The following ORC5 variants were observed in gnomAD, a reference collection of about 807,000 sequenced individuals.
The protein encoded by ORC5 is protein phosphatase 1, regulatory subunit 117.
In ORC5, 39 loss-of-function variants were observed where a neutral mutation model predicts 58.8. The ratio of observed to expected loss-of-function variants is 0.66; its 90% confidence interval spans 0.51 to 0.87. The LOEUF is 0.87. ORC5 is among the 40% of genes least tolerant of loss of function. The pLI, the probability that ORC5 is intolerant of heterozygous loss-of-function variation, is 0.00. For missense variants in ORC5, 493 were observed against 506.3 expected, an observed-to-expected ratio of 0.97 and a Z score of 0.25; for synonymous variants, 218 against 177.6, an observed-to-expected ratio of 1.23 and a Z score of -1.81.
At chr7:104,198,073 C>T (rs1378250931) in intron 3 of ORC5, among the ~76,000 whole-genome samples, 1 of 152,220 alleles carries the variant, frequency 6.6e-6, no homozygotes, top group Non-Finnish European at 1.5e-5. Context: ...CTCATCCTCT[C>T]TTGTACTTCT....
chr7:104,198,820 C>T (rs1489133950), intron 3 of ORC5, among the ~76,000 whole-genome samples: 1 of 152,236 alleles, frequency 6.6e-6, no homozygotes, highest in Admixed American at 6.5e-5. Context: ...CATCCCATTA[C>T]AGGCCCAGAG....
chr7:104,199,082 G>A (rs1220931271), intron 3 of ORC5, among the ~76,000 whole-genome samples: 1 of 152,198 alleles, frequency 6.6e-6, no homozygotes, highest in Non-Finnish European at 1.5e-5. Context: ...GGATGTCCAG[G>A]CAGAAGTTGG....
Position 104,188,377 on chromosome 7 carries a change from G to A in ORC5, c.558C>T (p.Asn186=), listed in dbSNP as rs764558899. The A allele has an allele frequency of 1.1e-5, 17 of 1,606,490 alleles. No individual in the cohort carries two copies. In the East Asian group the frequency reaches 3.6e-4, roughly 34 times the overall value. ...GATCATGGGACAGGATCTTTTGAAGGTTGCCTGTTCACAGGACACAAAATA... is the reference window on the plus strand; with the variant it reads ...GATCATGGGACAGGATCTTTTGAAGATTGCCTGTTCACAGGACACAAAATA... ...VLYFPDYSIG[N]LQKILSHDHP... is the part of the protein sequence containing the mutation. The change falls in exon 6 of 14, where the codon AAC becomes AAT. Residue 186 remains asparagine (N), a synonymous_variant. Coordinates refer to ENST00000297431, the MANE Select transcript of ORC5 (RefSeq NM_002553.4).
chr7:104,153,572 C>T (rs913216823), intron 12 of ORC5, among the ~76,000 whole-genome samples: 1 of 152,094 alleles, frequency 6.6e-6, no homozygotes. Context: ...CATAACTTAC[C>T]TTAATAGCAT....
chr7:104,156,088 G>A (rs1286859875), intron 12 of ORC5, among the ~76,000 whole-genome samples: 2 of 151,526 alleles, frequency 1.3e-5, no homozygotes, highest in Non-Finnish European at 3.0e-5. Flanking sequence ...AAGGAAAGGA[G>A]AAAAGAATGA....
chr7:104,179,102 A>G (rs1177536341), intron 8 of ORC5, among the ~76,000 whole-genome samples: 1 of 140,350 alleles, frequency 7.1e-6, no homozygotes, highest in African/African-American at 2.7e-5. Context: ...GTTAAAAAGA[A>G]AAGTGAATTT....
At chr7:104,135,955 T>C (rs537280689) in intron 13 of ORC5, among the ~76,000 whole-genome samples, 1 of 152,326 alleles carries the variant, frequency 6.6e-6, no homozygotes, top group African/African-American at 2.4e-5. Flanking sequence ...CCTGACAGAT[T>C]GTTATCCAGC....
At chr7:104,191,941 A>G (rs1799685798) in intron 5 of ORC5, among the ~76,000 whole-genome samples, 1 of 152,170 alleles carries the variant, frequency 6.6e-6, no homozygotes, top group African/African-American at 2.4e-5. Context: ...CTAATAATCA[A>G]TTAAAAACTG....
At chr7:104,145,208 A>G (rs1372174438) in intron 12 of ORC5, among the ~76,000 whole-genome samples, 1 of 152,198 alleles carries the variant, frequency 6.6e-6, no homozygotes, top group African/African-American at 2.4e-5. Flanking sequence ...CACAGAAAAG[A>G]GTTAACATAG....
chr7:104,144,554 G>A (rs1380076615), intron 12 of ORC5, among the ~76,000 whole-genome samples: 14 of 152,122 alleles, frequency 9.2e-5, no homozygotes, highest in Admixed American at 5.2e-4. Context: ...TCAGGAGTTC[G>A]AGACAGGCCT....
At chr7:104,199,105 G>A (rs146381925) in intron 3 of ORC5, among the ~76,000 whole-genome samples, 2 of 152,166 alleles carry the variant, frequency 1.3e-5, no homozygotes, top group Non-Finnish European at 2.9e-5. Context: ...GTAGGTGCAG[G>A]GCCCTCATGG....
intron 3 of ORC5, among the ~76,000 whole-genome samples, chr7:104,200,093 G>GT (rs78928402): frequency 0.15 from 22,316 of 152,176 alleles, 1,863 homozygotes; most frequent in South Asian, 0.22. Context: ...ACGCTGAACT[G>GT]TAAGTCAATT....
intron 8 of ORC5, among the ~76,000 whole-genome samples, chr7:104,171,484 A>T (rs1799209928): frequency 6.6e-6 from 1 of 152,172 alleles, no homozygotes; most frequent in African/African-American, 2.4e-5. Flanking sequence ...TATGAAAAGG[A>T]GGGATTAGCT....
At chr7:104,134,416 CAAAAAAAAAAAAAAA>C (rs1170848776) in intron 13 of ORC5, among the ~76,000 whole-genome samples, 2 of 51,804 alleles carry the variant, frequency 3.9e-5, no homozygotes, top group Admixed American at 5.4e-4. Flanking sequence ...CACTCCATCT[CAAAAAAAAAAAAAAA>C]AAAAAAAAAA....
At chr7:104,177,473 T>C (rs990134905) in intron 8 of ORC5, among the ~76,000 whole-genome samples, 1 of 152,202 alleles carries the variant, frequency 6.6e-6, no homozygotes, top group Admixed American at 6.5e-5. Flanking sequence ...AAATTGAGGT[T>C]ACTAAAAGTA....
rs74735098 is a variant in ORC5 at position 104,186,870 on chromosome 7, A to C, written c.684+1381T>G. Among the ~76,000 whole-genome samples the C allele has an allele frequency of 2.6e-3, 392 of 152,308 alleles. 17 individuals carry two copies. The East Asian group carries it at 0.069, about 27-fold the overall frequency. ...CTTAAACCATACTACACATTTATGA[A>C]TATTATTTTTTAAAAAGCTGTAACC... On this transcript the variant is annotated intron_variant, in intron 6 of 13. Transcript: ENST00000297431.
At chr7:104,140,497 TAC>T (rs1293743056) in intron 12 of ORC5, among the ~76,000 whole-genome samples, 1 of 152,228 alleles carries the variant, frequency 6.6e-6, no homozygotes, top group Non-Finnish European at 1.5e-5. Context: ...ATTTCCAACT[TAC>T]AGAGTTTTTC....
At chr7:104,194,426 C>A (rs1286704986) in intron 5 of ORC5, among the ~76,000 whole-genome samples, 2 of 151,764 alleles carry the variant, frequency 1.3e-5, no homozygotes, top group African/African-American at 4.8e-5. Context: ...TCTCTGAATC[C>A]CAAGTATCAT....
intron 12 of ORC5, 111 bp from the exon 13 acceptor site, chr7:104,137,004 T>C (rs577557091): frequency 1.4e-6 from 1 of 710,802 alleles, no homozygotes; most frequent in South Asian, 1.9e-5. Flanking sequence ...ACAAAAAACG[T>C]CTGCAAAGAA....
Sources: gnomAD v4.1 joint callset for allele counts (sites outside exome capture counted in the v4.1 genomes callset) on GRCh38, gnomAD v4.1.1 for gene constraint, MANE v1.5 for transcripts, NCBI Gene and HGNC (gene_info 2026-07-23, HGNC 2026-07-21) for gene names.